ICE2: variants seen among roughly 807,000 people sequenced by gnomAD.
ICE2 encodes the protein interactor of little elongation complex ELL subunit 2.
Under a neutral mutation model 105.4 loss-of-function variants are expected in ICE2, and 87 were observed. The ratio of observed to expected loss-of-function variants is 0.83; its 90% CI spans 0.69 to 0.99. The LOEUF (loss-of-function observed/expected upper bound fraction) is 0.99, where lower values mean the gene tolerates loss of function less well. Ranked by LOEUF, ICE2 falls within the 50% of genes least tolerant of loss-of-function variation. The probability of loss-of-function intolerance (pLI) is 0.00; values close to 1 mark genes in which losing one functional copy is unlikely to be tolerated. For synonymous variants in ICE2, 399 were observed against 392.0 expected, an observed-to-expected ratio of 1.02 and a Z score of -0.21; for missense variants, 1,323 against 1,146.7, an observed-to-expected ratio of 1.15 and a Z score of -2.22.
intron 14 of ICE2, among the ~76,000 whole-genome samples, chr15:60,429,153 A>C (rs2063401356): frequency 6.6e-6 from 1 of 152,266 alleles, no homozygotes; most frequent in Non-Finnish European, 1.5e-5. Flanking sequence ...TGGAAGAAAC[A>C]GTCAATGGAA....
At chr15:60,451,049 A>G (rs1210647171) in intron 9 of ICE2, 2 of 456,618 alleles carry the variant, frequency 4.4e-6, no homozygotes, top group South Asian at 1.9e-4. Flanking sequence ...TTATATAGAA[A>G]AGGGAGAAAT....
At chr15:60,474,471 T>G (rs1000664805) in intron 3 of ICE2, among the ~76,000 whole-genome samples, 1 of 152,058 alleles carries the variant, frequency 6.6e-6, no homozygotes, top group South Asian at 2.1e-4. Context: ...CACCCAACTA[T>G]AGAATACAAT....
chr15:60,466,359 CA>C (rs1217540381), intron 5 of ICE2, among the ~76,000 whole-genome samples: 2 of 152,114 alleles, frequency 1.3e-5, no homozygotes, highest in African/African-American at 4.8e-5. Flanking sequence ...TGTAATGATA[CA>C]ATACAGTAGC....
chr15:60,423,758 C>A lies in ICE2; in HGVS notation c.2825G>T (p.Gly942Val). 6.3e-7 allele frequency: 1 copy of A among 1,587,128 alleles called. No homozygotes were observed. The highest frequency in any genetic ancestry group is 1.9e-5 in the Admixed American group (1 of 53,414). ...SLDTTTQQKIGGTRMPTRSHR... is the reference protein window; with the variant it reads ...SLDTTTQQKIVGTRMPTRSHR... ...GCTGCGTGTAGGCATTCTCGTTCCACCAATCTAAGAGATGAAGCAGAGAAC... is the reference window on the plus strand; with the variant it reads ...GCTGCGTGTAGGCATTCTCGTTCCAACAATCTAAGAGATGAAGCAGAGAAC... The change falls in exon 16 of 16, where the codon GGT becomes GTT. Residue 942 changes from glycine (G) to valine (V), a missense_variant. Transcript: ENST00000261520.
intron 12 of ICE2, chr15:60,439,404 AG>A (rs1445170030): frequency 2.6e-5 from 4 of 152,046 alleles, no homozygotes; most frequent in Non-Finnish European, 4.4e-5. Context: ...TTTTTGAGAC[AG>A]GGTCTCACTC....
intron 15 of ICE2, 25 bp from the exon 16 acceptor site, chr15:60,423,787 A>C: frequency 6.4e-7 from 1 of 1,552,788 alleles, no homozygotes; most frequent in Non-Finnish European, 8.6e-7. Context: ...AGAGAACAGA[A>C]TAGCTTAATG....
rs2064626700 is a variant in ICE2 at position 60,472,393 on chromosome 15, A to C, written c.146+3670T>G. Among the ~76,000 whole-genome samples, 5 of 152,292 alleles carry C rather than the reference A, an allele frequency of 3.3e-5. No homozygotes were observed. In the South Asian group the frequency reaches 1.0e-3, roughly 32 times the overall value. The stretch of plus-strand genomic sequence containing the variant: ...AACTGTAATAATTATTACAGCAATT[A>C]AGAATTATTACAGTAATTACTGTAA... On this transcript the variant is annotated intron_variant, in intron 3 of 15. Transcript: ENST00000261520.
At chr15:60,474,569 T>C (rs1424367021) in intron 3 of ICE2, among the ~76,000 whole-genome samples, 1 of 152,202 alleles carries the variant, frequency 6.6e-6, no homozygotes, top group Non-Finnish European at 1.5e-5. Context: ...GTTAGTCCTG[T>C]TTTTAAATCC....
intron 13 of ICE2, among the ~76,000 whole-genome samples, chr15:60,434,634 C>A (rs1273318186): frequency 6.6e-6 from 1 of 151,784 alleles, no homozygotes; most frequent in African/African-American, 2.4e-5. Flanking sequence ...AACTGGAAGT[C>A]ATTATGTTAA....
chr15:60,468,230 G>C lies in ICE2; in HGVS notation c.239C>G (p.Thr80Ser). 6.2e-7 allele frequency: 1 copy of C among 1,613,924 alleles called. No homozygotes were observed. Among genetic ancestry groups the C allele is most frequent in the Non-Finnish European group, 8.5e-7 (1 of 1,179,896 alleles). Residue 80 changes from threonine to serine, a missense_variant, in exon 4 of 16, where the codon ACC becomes AGC. Transcript: ENST00000261520. ...SATQAKEKVK[T>S]TIGMVLLPKP... ...TGGAAGAAGAACCATTCCAATTGTG[G>C]TTTTAACTTTTTCCTTTGCTTGAGT... is the stretch of plus-strand genomic sequence containing the variant.
chr15:60,476,704 C>CATA (rs1274041917), intron 2 of ICE2, among the ~76,000 whole-genome samples: 1 of 152,036 alleles, frequency 6.6e-6, no homozygotes, highest in Non-Finnish European at 1.5e-5. Flanking sequence ...TTCATAACAC[C>CATA]ATAATTAATT....
chr15:60,471,677 T>C (rs1224981868), intron 3 of ICE2, among the ~76,000 whole-genome samples: 1 of 152,100 alleles, frequency 6.6e-6, no homozygotes, highest in Non-Finnish European at 1.5e-5. Flanking sequence ...TCTGACAGGG[T>C]TTCTCTATTC....
At position 60,420,073 on chromosome 15, in the gene ICE2, T is replaced by G. The variant is rs2063227486; in HGVS notation, c.*3561A>C. On this transcript the variant is annotated 3_prime_UTR_variant, in exon 16 of 16. Transcript: ENST00000261520. ...TGTTTGTTGTTTTAAGTAGCTAAGT[T>G]TTGGGATAATTTATTATTCAGCAAA... is the stretch of plus-strand genomic sequence containing the variant. The G allele has an allele frequency of 1.3e-5, 2 of 152,204 alleles. No individual in the cohort carries two copies. The highest frequency in any genetic ancestry group is 4.8e-5 in the African/African-American group (2 of 41,438). The allele number at this position is 152,204 out of a possible 1,614,324, so 9.4% of individuals were successfully genotyped here.
At chr15:60,436,037 A>C (rs1383306768) in intron 13 of ICE2, 106 bp downstream of exon 13, 4 of 512,856 alleles carry the variant, frequency 7.8e-6, no homozygotes, top group Non-Finnish European at 1.4e-5. Context: ...ATACATAAAA[A>C]GACTAAAAGT....
intron 3 of ICE2, among the ~76,000 whole-genome samples, chr15:60,472,119 T>A (rs577856209): frequency 7.9e-5 from 12 of 152,094 alleles, no homozygotes; most frequent in Non-Finnish European, 1.5e-4. Context: ...CATTTTAATA[T>A]CCTCTTTTAT....
rs375280679 is a variant in ICE2, at chr15:60,431,994, A to G, written c.2511-10T>C. ...AAATAAATTGGAAATCCTGATAAAC[A>G]AAAGAAATTCATGTAAAATTAAACT... is the stretch of plus-strand genomic sequence containing the variant. On this transcript the variant is annotated splice_polypyrimidine_tract_variant and intron_variant, in intron 13 of 15. Coordinates refer to ENST00000261520, the MANE Select transcript of ICE2 (RefSeq NM_024611.6). The G allele has an allele frequency of 2.7e-4, 371 of 1,380,742 alleles. 7 individuals carry two copies. The South Asian group carries it at 4.4e-3, about 16-fold the overall frequency. The allele number at this position is 1,380,742 out of a possible 1,614,324, so 85.5% of individuals were successfully genotyped here. A position where few individuals can be genotyped will look rare whatever the true frequency, so the allele number is the denominator to read the frequency against.
At chr15:60,438,838 T>C (rs185650057) in intron 12 of ICE2, 1 of 152,244 alleles carries the variant, frequency 6.6e-6, no homozygotes, top group African/African-American at 2.4e-5. Context: ...TCAGCAATGC[T>C]TGGGATGGCA....
At chr15:60,437,233 T>C (rs1180975958) in intron 12 of ICE2, among the ~76,000 whole-genome samples, 1 of 151,980 alleles carries the variant, frequency 6.6e-6, no homozygotes, top group African/African-American at 2.4e-5. Context: ...CCAGCCTGGG[T>C]GACAGAGTAA....
chr15:60,454,858 C>G, intron 8 of ICE2, 145 bp downstream of exon 8: 1 of 626,890 alleles, frequency 1.6e-6, no homozygotes, highest in Non-Finnish European at 2.5e-6. Context: ...CTCACCTTGC[C>G]CCCCACCCCC....
Sources: allele counts gnomAD v4.1 joint callset (sites outside exome capture counted in the v4.1 genomes callset), GRCh38; gene constraint gnomAD v4.1.1; transcripts MANE v1.5; gene names NCBI Gene and HGNC (gene_info 2026-07-23, HGNC 2026-07-21).